Variants in INTS3 observed in about 807,000 individuals in gnomAD.
INTS3 encodes the protein SOSS complex subunit A.
A neutral mutation model predicts 146.3 loss-of-function variants in INTS3; 34 were observed. The observed-to-expected ratio is 0.23, with a 90% CI of 0.18 to 0.31. INTS3 has a LOEUF of 0.31. Ranked by LOEUF, INTS3 falls within the 10% of genes least tolerant of loss-of-function variation. The pLI, the probability that INTS3 is intolerant of heterozygous loss-of-function variation, is 1.00. For synonymous variants in INTS3, 475 were observed against 494.9 expected (o/e 0.96, Z 0.53); for missense variants, 757 against 1,304.2 (o/e 0.58, Z 6.46).
intron 11 of INTS3, 80 bp from the exon 12 acceptor site, chr1:153,760,231 T>TAAAAA: frequency 6.9e-6 from 5 of 721,980 alleles, no homozygotes; most frequent in South Asian, 5.4e-5. Context: ...AGACTCTGTT[T>TAAAAA]CAAAAAAAAA....
chr1:153,759,248 T>G (rs1672285288), intron 10 of INTS3, among the ~76,000 whole-genome samples: 1 of 147,770 alleles, frequency 6.8e-6, no homozygotes, highest in Non-Finnish European at 1.5e-5. Flanking sequence ...CACTACAGCC[T>G]GGGCAACAGA....
chr1:153,768,012 A>G lies in INTS3; in HGVS notation c.2244+185A>G, dbSNP rs188916933. Among the ~76,000 whole-genome samples, 16 of 152,248 alleles carry G rather than the reference A, an allele frequency of 1.1e-4. No homozygotes were observed. In the East Asian group the frequency reaches 2.7e-3, roughly 26 times the overall value. On this transcript the variant is annotated intron_variant, in intron 21 of 29. Coordinates refer to ENST00000318967, the MANE Select transcript of INTS3 (RefSeq NM_023015.5). ...CTTTATTAGTGGTTGAAACATTTCT[A>G]AAACTCCCTGAATTCCTATACTTTG...
In INTS3 at chr1:153,747,375, G is replaced by A. The variant is rs1671787484; in HGVS notation, c.517+12G>A. The A allele has an allele frequency of 1.2e-6, 2 of 1,604,740 alleles. No homozygotes were observed. The highest frequency in any genetic ancestry group is 2.2e-5 in the South Asian group (2 of 90,862). ...GAAGCAGATTGCAGGTGAGTTTGAT[G>A]GCAGGAGCATAAAGAAGAAAGGAGG... is the stretch of plus-strand genomic sequence containing the variant. On this transcript the variant is annotated intron_variant, in intron 5 of 29. Coordinates refer to ENST00000318967, the MANE Select transcript of INTS3 (RefSeq NM_023015.5).
intron 3 of INTS3, among the ~76,000 whole-genome samples, chr1:153,746,647 C>T (rs527943115): frequency 2.0e-5 from 3 of 151,894 alleles, no homozygotes; most frequent in South Asian, 4.2e-4. Flanking sequence ...GTGATCCACC[C>T]GCCTTGGCCT....
intron 3 of INTS3, among the ~76,000 whole-genome samples, chr1:153,746,252 C>T (rs1474235836): frequency 6.6e-6 from 1 of 152,172 alleles, no homozygotes; most frequent in Non-Finnish European, 1.5e-5. Flanking sequence ...TTTGCAGTGA[C>T]CTTTTACTGA....
At position 153,728,132 on chromosome 1, in the gene INTS3, CT is replaced by C. The variant is rs1670916348; in HGVS notation, c.-501del. ...TGGTCCTCCCCGTCCTCCCATAGCGCTTATTGCCTCACCCTCACCCCCTAGG... is the reference window on the plus strand; with the variant it reads ...TGGTCCTCCCCGTCCTCCCATAGCGCTATTGCCTCACCCTCACCCCCTAGG... On this transcript the variant is annotated 5_prime_UTR_variant, in exon 1 of 30. Transcript: ENST00000318967. The C allele has an allele frequency of 2.6e-6, 1 of 389,010 alleles. No individual in the cohort carries two copies. The highest frequency in any genetic ancestry group is 4.5e-6 in the Non-Finnish European group (1 of 220,792). The allele number at this position is 389,010 out of a possible 1,614,324, so 24.1% of individuals were successfully genotyped here.
At position 153,774,728 on chromosome 1, in the gene INTS3, C is replaced by G; in HGVS notation, c.*1458C>G. The G allele has an allele frequency of 4.8e-6, 1 of 210,250 alleles. No individual in the cohort carries two copies. The highest frequency in any genetic ancestry group is 9.6e-6 in the Non-Finnish European group (1 of 104,204). 13.0% of individuals were successfully genotyped at this position (210,250 alleles called of 1,614,324 possible). ...CACTGCTGTTGCTTCCTTTGAAAGT[C>G]TAAACCACTGGAGGCTTCTTTTTCC... On this transcript the variant is annotated 3_prime_UTR_variant, in exon 30 of 30. Coordinates refer to ENST00000318967, the MANE Select transcript of INTS3 (RefSeq NM_023015.5).
chr1:153,741,223 T>A, intron 2 of INTS3, 62 bp from the exon 3 acceptor site: 1 of 1,225,286 alleles, frequency 8.2e-7, no homozygotes, highest in Non-Finnish European at 1.2e-6. Flanking sequence ...TGGGAGAAAC[T>A]GAGTTTGAGA....
rs78462518 is a variant in INTS3, at chr1:153,765,293, C to T, written c.2090+230C>T. 1.5e-3 allele frequency among the ~76,000 whole-genome samples: 233 copies of T among 152,264 alleles called. 2 individuals are homozygous for T. The East Asian group carries it at 0.041, about 27-fold the overall frequency. ...TTCAGACTCCTGGGCTCAAGCCATC[C>T]TCCCCCCTCAGCATCCTGAGTAGCT... On this transcript the variant is annotated intron_variant, in intron 20 of 29. Coordinates refer to ENST00000318967, the MANE Select transcript of INTS3 (RefSeq NM_023015.5).
chr1:153,762,726 A>G lies in INTS3; in HGVS notation c.1517-2A>G. The G allele has an allele frequency of 6.2e-7, 1 of 1,614,052 alleles. No individual in the cohort carries two copies. Among genetic ancestry groups the G allele is most frequent in the Non-Finnish European group, 8.5e-7 (1 of 1,179,986 alleles). On this transcript the variant is annotated splice_acceptor_variant, in intron 14 of 29. Coordinates refer to ENST00000318967, the MANE Select transcript of INTS3 (RefSeq NM_023015.5). LOFTEE classifies it high-confidence loss of function. ...AATGCCTTATCTTTTTTTACTCCCA[A>G]GTCAAAATTGAGGAGCCAGTTTCCA... is the stretch of plus-strand genomic sequence containing the variant.
rs748758442 is a variant in INTS3 at position 153,770,332 on chromosome 1, G to A, written c.2503+21G>A. Reference sequence around the variant, plus strand: ...CAAGGGTGAGTAGGCTTTTGGGTAGGGAGCACATCAGATATGACACTTCCT... The same window carrying A: ...CAAGGGTGAGTAGGCTTTTGGGTAGAGAGCACATCAGATATGACACTTCCT... On this transcript the variant is annotated intron_variant, in intron 24 of 29. Transcript: ENST00000318967. 3.0e-5 allele frequency: 43 copies of A among 1,418,034 alleles called. 1 individual carries two copies. The Middle Eastern group carries it at 5.8e-3, about 192-fold the overall frequency. 87.8% of individuals were successfully genotyped at this position (1,418,034 alleles called of 1,614,324 possible). A position where few individuals can be genotyped will look rare whatever the true frequency, so the allele number is the denominator to read the frequency against.
In INTS3 at chr1:153,772,548, ACT is replaced by A; in HGVS notation, c.2822-89_2822-88del. On this transcript the variant is annotated intron_variant, in intron 27 of 29. Coordinates refer to ENST00000318967, the MANE Select transcript of INTS3 (RefSeq NM_023015.5). The surrounding 1 kb of genome is among the most constrained non-coding windows in gnomAD (Gnocchi z 4.6). ...CAGGACACCCGGGGCCACAACCCAC[ACT>A]CGGGATAAAACAACCTGTGCGTGCT... 3 of 1,610,570 alleles carry A rather than the reference ACT, an allele frequency of 1.9e-6. No individual in the cohort carries two copies. Among genetic ancestry groups the A allele is most frequent in the Non-Finnish European group, 2.5e-6 (3 of 1,178,218 alleles).
chr1:153,771,721 G>C, intron 25 of INTS3, 75 bp from the exon 26 acceptor site: 1 of 1,463,542 alleles, frequency 6.8e-7, no homozygotes, highest in Non-Finnish European at 9.3e-7. Flanking sequence ...CAGGGCTTGG[G>C]AAATAAGTGG....
At chr1:153,732,571 A>G (rs759685218) in intron 1 of INTS3, among the ~76,000 whole-genome samples, 1 of 151,506 alleles carries the variant, frequency 6.6e-6, no homozygotes, top group African/African-American at 2.4e-5. Context: ...TCAGCCTCCC[A>G]AGTAGCTGGG....
At chr1:153,741,228 T>G in intron 2 of INTS3, 57 bp from the exon 3 acceptor site, 1 of 1,291,216 alleles carries the variant, frequency 7.7e-7, no homozygotes, top group Non-Finnish European at 1.1e-6. Context: ...GAAACTGAGT[T>G]TGAGAACTTA....
intron 18 of INTS3, 74 bp downstream of exon 18, chr1:153,764,295 C>T: frequency 2.0e-6 from 2 of 987,412 alleles, no homozygotes; most frequent in Non-Finnish European, 3.3e-6. Context: ...CCAAGAGACC[C>T]CTTACTGTAG....
intron 1 of INTS3, among the ~76,000 whole-genome samples, chr1:153,734,646 C>G (rs541931837): frequency 2.0e-5 from 3 of 152,186 alleles, no homozygotes; most frequent in Non-Finnish European, 4.4e-5. Context: ...AACCCAAGGT[C>G]TCTCAGCAAT....
At chr1:153,734,356 C>G (rs1159783898) in intron 1 of INTS3, among the ~76,000 whole-genome samples, 4 of 152,140 alleles carry the variant, frequency 2.6e-5, no homozygotes, top group Admixed American at 6.6e-5. Flanking sequence ...ATCAATTTTC[C>G]CATCCCTGTT....
chr1:153,738,817 T>C (rs923339842), intron 1 of INTS3, among the ~76,000 whole-genome samples: 1 of 152,232 alleles, frequency 6.6e-6, no homozygotes, highest in Non-Finnish European at 1.5e-5. Flanking sequence ...CTTTCCTTTC[T>C]TGTTTATTAT....
Sources: gnomAD v4.1 joint callset for allele counts (sites outside exome capture counted in the v4.1 genomes callset) on GRCh38, gnomAD v4.1.1 for gene constraint, Gnocchi (gnomAD v3.1) non-coding constraint, MANE v1.5 for transcripts, NCBI Gene and HGNC (gene_info 2026-07-23, HGNC 2026-07-21) for gene names.